Variants in SLC43A2 observed in about 807,000 individuals in gnomAD.
SLC43A2 encodes the protein solute carrier family 43 member 2.
A neutral mutation model predicts 63.2 loss-of-function variants in SLC43A2; 38 were observed. The ratio of observed to expected loss-of-function variants is 0.60; its 90% CI spans 0.46 to 0.79. SLC43A2 has a LOEUF of 0.79. Among genes scored for constraint, SLC43A2 ranks in the 30% least tolerant of loss-of-function variants. SLC43A2 has a pLI of 0.00. For synonymous variants in SLC43A2, 322 were observed against 331.0 expected, an observed-to-expected ratio of 0.97 and a Z score of 0.30; for missense variants, 644 against 756.2, an observed-to-expected ratio of 0.85 and a Z score of 1.74.
chr17:1,596,796 C>T (rs1017041622), intron 5 of SLC43A2, among the ~76,000 whole-genome samples: 3 of 152,136 alleles, frequency 2.0e-5, no homozygotes, highest in African/African-American at 7.2e-5. Context: ...TCTGAATAGA[C>T]ATTTCTCCAA....
At chr17:1,584,095 A>G (rs12942362) in intron 10 of SLC43A2, among the ~76,000 whole-genome samples, 31,390 of 151,786 alleles carry the variant, frequency 0.21, 3,362 homozygotes, top group East Asian at 0.26. Context: ...GGGTTTCACC[A>G]TGTTAGCCAG....
At chr17:1,581,944 T>C (rs567497691) in intron 11 of SLC43A2, among the ~76,000 whole-genome samples, 89 of 151,700 alleles carry the variant, frequency 5.9e-4, no homozygotes, top group Non-Finnish European at 9.0e-4. Flanking sequence ...GTAGCTGGGA[T>C]TACAGGCATG....
intron 7 of SLC43A2, 36 bp from the exon 8 acceptor site, chr17:1,591,507 G>A (rs573016527): frequency 3.6e-5 from 58 of 1,611,486 alleles, no homozygotes; most frequent in African/African-American, 2.9e-4. Context: ...GGTGCTGCCC[G>A]GGACCCCGGC....
intron 2 of SLC43A2, among the ~76,000 whole-genome samples, chr17:1,619,238 G>A (rs957750580): frequency 2.3e-4 from 34 of 149,402 alleles, no homozygotes; most frequent in Admixed American, 1.3e-3. Context: ...GGAGGCGGAG[G>A]TTGTGGTAAG....
intron 2 of SLC43A2, among the ~76,000 whole-genome samples, chr17:1,625,441 G>A (rs558069774): frequency 3.9e-5 from 6 of 152,184 alleles, no homozygotes; most frequent in Non-Finnish European, 8.8e-5. Context: ...TCAATCAGCC[G>A]GACACTGCTC....
intron 2 of SLC43A2, 115 bp from the exon 3 acceptor site, chr17:1,616,884 C>A: frequency 1.6e-6 from 2 of 1,257,940 alleles, no homozygotes; most frequent in Middle Eastern, 2.6e-4. Context: ...GGCTGGCTGG[C>A]GGCCTCTCGA....
intron 11 of SLC43A2, among the ~76,000 whole-genome samples, chr17:1,581,673 G>A (rs2076016019): frequency 6.6e-6 from 1 of 152,172 alleles, no homozygotes; most frequent in Non-Finnish European, 1.5e-5. Context: ...TTTAGGGATT[G>A]GGCCAAAACC....
chr17:1,585,247 T>A (rs953712408), intron 10 of SLC43A2: 17 of 995,378 alleles, frequency 1.7e-5, no homozygotes, highest in Non-Finnish European at 2.0e-5. Flanking sequence ...TCTTCTTTAT[T>A]GTTTTTTCTT....
At chr17:1,585,645 T>G in intron 10 of SLC43A2, 1 of 1,355,470 alleles carries the variant, frequency 7.4e-7, no homozygotes, top group Non-Finnish European at 9.7e-7. Context: ...ACCCCAGCCT[T>G]TCAAAGTGCT....
intron 9 of SLC43A2, among the ~76,000 whole-genome samples, chr17:1,589,651 A>G (rs1258209122): frequency 1.3e-5 from 2 of 151,900 alleles, no homozygotes; most frequent in African/African-American, 4.8e-5. Context: ...ATGGAGTCGC[A>G]CTCTGTCGCC....
Position 1,572,435 on chromosome 17 carries a change from TC to T in SLC43A2, c.*3168del, listed in dbSNP as rs1375236812. 6.6e-6 allele frequency: 1 copy of T among 152,372 alleles called. No individual in the cohort carries two copies. The highest frequency in any genetic ancestry group is 1.5e-5 in the Non-Finnish European group (1 of 68,188). The allele number at this position is 152,372 out of a possible 1,614,324, so 9.4% of individuals were successfully genotyped here. A position where few individuals can be genotyped will look rare whatever the true frequency, so the allele number is the denominator to read the frequency against. On this transcript the variant is annotated 3_prime_UTR_variant, in exon 14 of 14. Transcript: ENST00000301335. ...CTCTGACCTTGAACAAGCTCCTCCATCGCTCCAGGCCTCGTTTTTCAGGTGT... is the reference window on the plus strand; with the variant it reads ...CTCTGACCTTGAACAAGCTCCTCCATGCTCCAGGCCTCGTTTTTCAGGTGT...
intron 4 of SLC43A2, among the ~76,000 whole-genome samples, chr17:1,614,713 C>CT (rs1265102390): frequency 6.6e-6 from 1 of 152,124 alleles, no homozygotes; most frequent in Non-Finnish European, 1.5e-5. Context: ...ACTTGCCTCT[C>CT]AGGTTGGCAT....
chr17:1,623,407 C>A (rs982475761), intron 2 of SLC43A2, among the ~76,000 whole-genome samples: 12 of 152,142 alleles, frequency 7.9e-5, no homozygotes, highest in East Asian at 3.8e-4. Flanking sequence ...AGGCAGAGGC[C>A]GTGATGACTT....
At chr17:1,615,602 G>A (rs538306232) in intron 3 of SLC43A2, among the ~76,000 whole-genome samples, 200 of 150,012 alleles carry the variant, frequency 1.3e-3, no homozygotes, top group African/African-American at 4.4e-3. Context: ...CCAGCACTTT[G>A]GGAGGCCGAG....
intron 1 of SLC43A2, chr17:1,628,311 T>G: frequency 6.4e-6 from 1 of 156,322 alleles, no homozygotes; most frequent in Non-Finnish European, 1.4e-5. Context: ...CAGGGGCAGA[T>G]CCGAGGGCTG....
intron 5 of SLC43A2, among the ~76,000 whole-genome samples, chr17:1,603,825 AT>A (rs1372315146): frequency 4.0e-5 from 6 of 151,026 alleles, no homozygotes; most frequent in African/African-American, 1.5e-4. Context: ...AAACTTAAAG[AT>A]TAGAAAAGTC....
intron 2 of SLC43A2, among the ~76,000 whole-genome samples, chr17:1,617,902 C>T (rs1359274591): frequency 1.3e-5 from 2 of 152,204 alleles, no homozygotes; most frequent in Admixed American, 1.3e-4. Context: ...GGGCTGGGAA[C>T]GTGGCTGAGG....
At chr17:1,604,931 C>CGCGGT (rs1437280852) in intron 5 of SLC43A2, 23 of 1,522,130 alleles carry the variant, frequency 1.5e-5, no homozygotes, top group East Asian at 2.5e-5. Context: ...TGTTCGAAGC[C>CGCGGT]GCGGTGCCGG....
chr17:1,604,714 T>A, intron 5 of SLC43A2: 3 of 1,535,222 alleles, frequency 2.0e-6, no homozygotes, highest in Non-Finnish European at 2.6e-6. Context: ...AAGCTCCTTT[T>A]AGACCCATCT....
Sources: gnomAD v4.1 joint callset for allele counts (sites outside exome capture counted in the v4.1 genomes callset) on GRCh38, gnomAD v4.1.1 for gene constraint, MANE v1.5 for transcripts, NCBI Gene and HGNC (gene_info 2026-07-23, HGNC 2026-07-21) for gene names.